MAP2K1: variants seen among roughly 807,000 people sequenced by gnomAD.
MAP2K1 encodes dual specificity mitogen-activated protein kinase kinase 1.
A neutral mutation model predicts 46.3 loss-of-function variants in MAP2K1; 16 were observed. The observed-to-expected ratio is 0.35, with a 90% CI of 0.23 to 0.52. The LOEUF (loss-of-function observed/expected upper bound fraction) is 0.52. Ranked by LOEUF, MAP2K1 falls within the 20% of genes least tolerant of loss-of-function variation. The pLI is 0.94. For synonymous variants in MAP2K1, 183 were observed against 185.6 expected (o/e 0.99, Z 0.11); for missense variants, 263 against 497.1 (o/e 0.53, Z 4.48).
rs2140578466 is a variant in MAP2K1 at position 66,435,046 on chromosome 15, C to T, written c.100C>T (p.Gln34Ter). The T allele has an allele frequency of 6.2e-7, 1 of 1,613,772 alleles. No homozygotes were observed. The highest frequency in any genetic ancestry group is 8.5e-7 in the Non-Finnish European group (1 of 1,179,712). ...GAACAGGACCAACTTGGAGGCCTTGCAGAAGAAGCTGGAGGAGCTAGAGCT... is the reference window on the plus strand; with the variant it reads ...GAACAGGACCAACTTGGAGGCCTTGTAGAAGAAGCTGGAGGAGCTAGAGCT... Reference protein sequence around the residue: ...SSAETNLEALQKKLEELELDE... With the variant: ...SSAETNLEAL Residue 34 changes from glutamine (Q) to a stop codon, truncating the protein, a stop_gained, in exon 2 of 11, where the codon CAG becomes TAG. Coordinates refer to ENST00000307102, the MANE Select transcript of MAP2K1 (RefSeq NM_002755.4). LOFTEE classifies it high-confidence loss of function.
At chr15:66,416,755 A>C (rs1465195210) in intron 1 of MAP2K1, among the ~76,000 whole-genome samples, 1 of 152,204 alleles carries the variant, frequency 6.6e-6, no homozygotes, top group East Asian at 1.9e-4. Context: ...TGTGCACAGC[A>C]GATTGGACTT....
chr15:66,447,876 C>T (rs538314258), intron 5 of MAP2K1, among the ~76,000 whole-genome samples: 10 of 151,598 alleles, frequency 6.6e-5, no homozygotes, highest in South Asian at 2.1e-4. Context: ...TCTCACCGGG[C>T]GTGGTGGCTC....
intron 1 of MAP2K1, among the ~76,000 whole-genome samples, chr15:66,404,087 A>G (rs888085896): frequency 1.3e-5 from 2 of 152,202 alleles, no homozygotes; most frequent in African/African-American, 4.8e-5. Flanking sequence ...TAACATTCCA[A>G]TAATTATTAA....
In MAP2K1 at chr15:66,480,853, A is replaced by C. The variant is rs899627102; in HGVS notation, c.569-902A>C. Among the ~76,000 whole-genome samples the C allele has an allele frequency of 2.0e-5, 3 of 152,206 alleles. No individual in the cohort carries two copies. In the East Asian group the frequency reaches 5.8e-4, roughly 29 times the overall value. On this transcript the variant is annotated intron_variant, in intron 5 of 10. Coordinates refer to ENST00000307102, the MANE Select transcript of MAP2K1 (RefSeq NM_002755.4). The stretch of plus-strand genomic sequence containing the variant: ...AGCCCTGCTCCAGGGGCCTTCACCA[A>C]GTCCCAGCCTTGGTTTGCTCACCTA...
At chr15:66,445,485 A>G (rs961535698) in intron 5 of MAP2K1, among the ~76,000 whole-genome samples, 14 of 152,256 alleles carry the variant, frequency 9.2e-5, no homozygotes, top group Non-Finnish European at 1.8e-4. Context: ...CCATGTGACC[A>G]TACCATCTTA....
intron 5 of MAP2K1, among the ~76,000 whole-genome samples, chr15:66,473,259 A>C (rs775126895): frequency 6.6e-6 from 1 of 152,190 alleles, no homozygotes; most frequent in Non-Finnish European, 1.5e-5. Context: ...TATTCTGCCA[A>C]ATATTACGAA....
At chr15:66,447,130 C>T (rs1014962232) in intron 5 of MAP2K1, among the ~76,000 whole-genome samples, 2 of 151,580 alleles carry the variant, frequency 1.3e-5, no homozygotes, top group African/African-American at 4.9e-5. Flanking sequence ...TTACAAGCCC[C>T]GTAGATTAGG....
Position 66,423,422 on chromosome 15 carries a change from G to A in MAP2K1, c.81-11605G>A, listed in dbSNP as rs2093448578. ...CCCATCCCACTTCCCAACCCTTCTT[G>A]ATTTTTGTGTTTTTCTTTCCTTTTT... On this transcript the variant is annotated intron_variant, in intron 1 of 10. Coordinates refer to ENST00000307102, the MANE Select transcript of MAP2K1 (RefSeq NM_002755.4). Among the ~76,000 whole-genome samples the A allele has an allele frequency of 2.0e-5, 3 of 147,250 alleles. No individual in the cohort carries two copies. The South Asian group carries it at 6.5e-4, about 32-fold the overall frequency.
At chr15:66,418,783 C>T (rs1453797087) in intron 1 of MAP2K1, among the ~76,000 whole-genome samples, 1 of 151,704 alleles carries the variant, frequency 6.6e-6, no homozygotes, top group Non-Finnish European at 1.5e-5. Context: ...CTGCCTCAGC[C>T]TCCCGAGCAC....
At chr15:66,408,980 A>C (rs2093404852) in intron 1 of MAP2K1, among the ~76,000 whole-genome samples, 1 of 152,212 alleles carries the variant, frequency 6.6e-6, no homozygotes, top group Non-Finnish European at 1.5e-5. Context: ...AGGTTCTGCT[A>C]ACCGCTGTGA....
chr15:66,471,564 A>C (rs1308382563), intron 5 of MAP2K1, among the ~76,000 whole-genome samples: 1 of 152,148 alleles, frequency 6.6e-6, no homozygotes, highest in Non-Finnish European at 1.5e-5. Flanking sequence ...CCTACTTAAT[A>C]ATGAAATTTA....
At chr15:66,462,814 C>T (rs1892360755) in intron 5 of MAP2K1, among the ~76,000 whole-genome samples, 1 of 152,110 alleles carries the variant, frequency 6.6e-6, no homozygotes. Flanking sequence ...AGTGTAAACA[C>T]AACAGGGGAC....
chr15:66,396,234 C>T (rs544180060), intron 1 of MAP2K1, among the ~76,000 whole-genome samples: 3 of 152,274 alleles, frequency 2.0e-5, no homozygotes, highest in South Asian at 2.1e-4. Context: ...CCGCCCTCCT[C>T]GGCCTCCCAA....
chr15:66,398,485 C>G (rs1380444109), intron 1 of MAP2K1, among the ~76,000 whole-genome samples: 1 of 151,096 alleles, frequency 6.6e-6, no homozygotes, highest in Non-Finnish European at 1.5e-5. Context: ...AGGAGACATA[C>G]AGATCAAATG....
In MAP2K1 at chr15:66,459,050, C is replaced by T. The variant is rs985411703; in HGVS notation, c.568+14343C>T. Among the ~76,000 whole-genome samples, 130 of 152,156 alleles carry T rather than the reference C, an allele frequency of 8.5e-4. 1 individual carries two copies. Among genetic ancestry groups the T allele is most frequent in the Non-Finnish European group, 3.1e-4 (21 of 68,036 alleles). Reference sequence around the variant, plus strand: ...TGTTTTTGGGCCGGGCACAGTGGCTCATGCCTGTAAGCCCAGCACTTTGGG... The same window carrying T: ...TGTTTTTGGGCCGGGCACAGTGGCTTATGCCTGTAAGCCCAGCACTTTGGG... On this transcript the variant is annotated intron_variant, in intron 5 of 10. Coordinates refer to ENST00000307102, the MANE Select transcript of MAP2K1 (RefSeq NM_002755.4).
At chr15:66,412,776 T>C (rs1437512723) in intron 1 of MAP2K1, among the ~76,000 whole-genome samples, 4 of 152,204 alleles carry the variant, frequency 2.6e-5, no homozygotes, top group Admixed American at 2.6e-4. Flanking sequence ...CACTGCAGCC[T>C]GAAACTCCTG....
At chr15:66,447,601 G>T (rs1046937419) in intron 5 of MAP2K1, among the ~76,000 whole-genome samples, 4 of 149,694 alleles carry the variant, frequency 2.7e-5, no homozygotes, top group East Asian at 2.0e-4. Flanking sequence ...TTAGGCAAGA[G>T]AATTGTTTGA....
chr15:66,488,257 GAC>G (rs1893117082), intron 8 of MAP2K1, among the ~76,000 whole-genome samples: 1 of 152,204 alleles, frequency 6.6e-6, no homozygotes, highest in East Asian at 1.9e-4. Flanking sequence ...CAGCAGTGGG[GAC>G]AGTCTGCAGA....
chr15:66,423,215 C>G (rs1458946190), intron 1 of MAP2K1, among the ~76,000 whole-genome samples: 1 of 152,162 alleles, frequency 6.6e-6, no homozygotes, highest in African/African-American at 2.4e-5. Flanking sequence ...AAATTTCTAG[C>G]ATTTTAATTT....
Sources: allele counts gnomAD v4.1 joint callset (sites outside exome capture counted in the v4.1 genomes callset), GRCh38; gene constraint gnomAD v4.1.1; transcripts MANE v1.5; gene names NCBI Gene and HGNC (gene_info 2026-07-23, HGNC 2026-07-21).